The following ARID1B variants were observed in gnomAD, a reference collection of about 807,000 sequenced individuals.
ARID1B encodes the protein AT-rich interactive domain-containing protein 1B.
ARID1B carries 30 observed loss-of-function variants against 212.3 expected under a neutral mutation model. That is an observed-to-expected ratio of 0.14 (90% CI 0.11 to 0.19). The LOEUF is 0.19. ARID1B is among the 10% of genes least tolerant of loss of function. The pLI, the probability that ARID1B is intolerant of heterozygous loss-of-function variation, is 1.00. For synonymous variants in ARID1B, 1,402 were observed against 1,301.7 expected (o/e 1.08, Z -1.66); for missense variants, 2,891 against 3,204.0 (o/e 0.90, Z 2.36).
chr6:156,779,455 C>T lies in ARID1B; in HGVS notation c.1775C>T (p.Thr592Ile). Residue 592 changes from threonine (T) to isoleucine (I), a missense_variant, in exon 1 of 20, where the codon ACC becomes ATC. Physicochemically the swap from Thr to Ile is moderately conservative, Grantham distance 89 (BLOSUM62 -1). Coordinates refer to ENST00000636930, the MANE Select transcript of ARID1B (RefSeq NM_001374828.1). ...ATGAGCCCCGGCACCCCCGGACCGA[C>T]CATGGGCAGATCCCAGGTAACCCTC... ...PAMSPGTPGPTMGRSQGSPMD... is the reference protein window; with the variant it reads ...PAMSPGTPGPIMGRSQGSPMD... The T allele has an allele frequency of 7.0e-7, 1 of 1,430,750 alleles. No homozygotes were observed. The highest frequency in any genetic ancestry group is 1.3e-5 in the South Asian group (1 of 74,260). 88.6% of individuals were successfully genotyped at this position (1,430,750 alleles called of 1,614,324 possible).
chr6:157,051,260 C>T (rs371301459), intron 4 of ARID1B, among the ~76,000 whole-genome samples: 5 of 152,020 alleles, frequency 3.3e-5, no homozygotes, highest in Non-Finnish European at 7.4e-5. Flanking sequence ...GCTGAACGAA[C>T]GGATGAATTA....
chr6:157,025,663 G>A (rs546897935), intron 4 of ARID1B, among the ~76,000 whole-genome samples: 17 of 152,246 alleles, frequency 1.1e-4, no homozygotes, highest in Non-Finnish European at 1.8e-4. Flanking sequence ...TTGGTGAGTC[G>A]TTTTCCATTG....
chr6:156,879,594 C>T (rs1437546274), intron 2 of ARID1B, among the ~76,000 whole-genome samples: 1 of 152,174 alleles, frequency 6.6e-6, no homozygotes, highest in Non-Finnish European at 1.5e-5. Flanking sequence ...GAATGAAGTG[C>T]CTCAAAACAA....
intron 2 of ARID1B, among the ~76,000 whole-genome samples, chr6:156,830,403 G>T (rs959842792): frequency 6.6e-6 from 1 of 152,088 alleles, no homozygotes; most frequent in East Asian, 1.9e-4. Flanking sequence ...GACATCTTTC[G>T]TTGAGGGGCA....
intron 7 of ARID1B, among the ~76,000 whole-genome samples, chr6:157,141,442 T>A (rs1424914923): frequency 1.3e-5 from 2 of 151,860 alleles, no homozygotes; most frequent in Non-Finnish European, 3.0e-5. Context: ...TATGTATAGT[T>A]CAGAAAACAA....
chr6:157,166,853 G>T, intron 8 of ARID1B, 187 bp from the exon 9 acceptor site: 1 of 603,270 alleles, frequency 1.7e-6, no homozygotes, highest in Non-Finnish European at 2.7e-6. Context: ...ATTGTAAAGG[G>T]GTGTATTAAA....
chr6:156,882,234 C>T (rs1036313215), intron 2 of ARID1B, among the ~76,000 whole-genome samples: 2 of 152,078 alleles, frequency 1.3e-5, no homozygotes, highest in African/African-American at 4.8e-5. Context: ...GCAGCAATTC[C>T]CATGTTCTGG....
chr6:156,929,380 A>G (rs779311018), intron 3 of ARID1B, among the ~76,000 whole-genome samples: 1 of 152,200 alleles, frequency 6.6e-6, no homozygotes, highest in Non-Finnish European at 1.5e-5. Flanking sequence ...TCTGAAGCCT[A>G]GGGATGATTT....
chr6:157,040,895 G>C (rs551171859), intron 4 of ARID1B, among the ~76,000 whole-genome samples: 3 of 152,246 alleles, frequency 2.0e-5, no homozygotes, highest in African/African-American at 7.2e-5. Flanking sequence ...CACTTCCGCT[G>C]TTTTCCCGTG....
At chr6:157,034,619 A>C (rs1781210201) in intron 4 of ARID1B, among the ~76,000 whole-genome samples, 1 of 152,234 alleles carries the variant, frequency 6.6e-6, no homozygotes, top group Admixed American at 6.5e-5. Context: ...CCTGGAAATT[A>C]AGTGTGAAAG....
At chr6:156,963,046 T>C (rs139160643) in intron 4 of ARID1B, among the ~76,000 whole-genome samples, 6,627 of 152,188 alleles carry the variant, frequency 0.044, 166 homozygotes, top group Middle Eastern at 0.078. Flanking sequence ...CCTCACAAGG[T>C]GCTGGGATTA....
rs138846090 is a variant in ARID1B at position 156,791,577 on chromosome 6, G to T, written c.1791+12106G>T. On this transcript the variant is annotated intron_variant, in intron 1 of 19. Transcript: ENST00000636930. ...AAACTTGCTGCCTCAGGAAGAAAAG[G>T]GTTTTTCTTTTTATTCCACTGGGAA... Among the ~76,000 whole-genome samples the T allele has an allele frequency of 3.0e-4, 45 of 152,296 alleles. No homozygotes were observed. In the East Asian group the frequency reaches 7.1e-3, roughly 24 times the overall value.
At chr6:156,987,589 C>G (rs952887488) in intron 4 of ARID1B, among the ~76,000 whole-genome samples, 18 of 152,214 alleles carry the variant, frequency 1.2e-4, no homozygotes, top group Non-Finnish European at 1.6e-4. Context: ...CTCGGCCTCC[C>G]AAAGTGCTGG....
At chr6:157,162,151 TAC>T (rs1271826093) in intron 8 of ARID1B, among the ~76,000 whole-genome samples, 1 of 152,192 alleles carries the variant, frequency 6.6e-6, no homozygotes, top group African/African-American at 2.4e-5. Context: ...GTTGAGAAAA[TAC>T]AGTGTTGATT....
chr6:156,870,952 G>A (rs1786080077), intron 2 of ARID1B, among the ~76,000 whole-genome samples: 1 of 152,174 alleles, frequency 6.6e-6, no homozygotes, highest in Non-Finnish European at 1.5e-5. Context: ...CCTAAAGTCT[G>A]TGCATGTTTT....
At chr6:156,892,830 A>T (rs983299305) in intron 2 of ARID1B, among the ~76,000 whole-genome samples, 1 of 152,204 alleles carries the variant, frequency 6.6e-6, no homozygotes, top group African/African-American at 2.4e-5. Context: ...ATAGTTCTTG[A>T]TGGATGTGTA....
chr6:156,785,693 T>C (rs1031629252), intron 1 of ARID1B, among the ~76,000 whole-genome samples: 8 of 152,196 alleles, frequency 5.3e-5, no homozygotes, highest in Non-Finnish European at 1.2e-4. Context: ...AATAAAAATA[T>C]TTTTCTCTTT....
intron 8 of ARID1B, chr6:157,152,065 A>T (rs1051079714): frequency 1.3e-5 from 2 of 152,324 alleles, no homozygotes; most frequent in South Asian, 2.1e-4. Flanking sequence ...CCTCTTTCTT[A>T]CTTTCTTGTG....
At position 156,779,286 on chromosome 6, in the gene ARID1B, C is replaced by T; in HGVS notation, c.1606C>T (p.Pro536Ser). ...PSAPPPPPSQ[P>S]QSQAAAAGAA... ...CGCGCCGCCGCCGCCGCCGTCGCAGCCCCAGTCCCAGGCGGCGGCGGCGGG... is the reference window on the plus strand; with the variant it reads ...CGCGCCGCCGCCGCCGCCGTCGCAGTCCCAGTCCCAGGCGGCGGCGGCGGG... The change falls in exon 1 of 20, where the codon CCC (proline) becomes TCC (serine). Residue 536 changes from proline (P) to serine (S), a missense_variant. By Grantham distance (74) the Pro-to-Ser change is moderately conservative. Coordinates refer to ENST00000636930, the MANE Select transcript of ARID1B (RefSeq NM_001374828.1). The T allele has an allele frequency of 1.7e-6, 2 of 1,151,518 alleles. No homozygotes were observed. The highest frequency in any genetic ancestry group is 3.9e-5 in the South Asian group (1 of 25,478). 71.3% of individuals were successfully genotyped at this position (1,151,518 alleles called of 1,614,324 possible).
Sources: gnomAD v4.1 joint callset for allele counts (sites outside exome capture counted in the v4.1 genomes callset) on GRCh38, gnomAD v4.1.1 for gene constraint, MANE v1.5 for transcripts, NCBI Gene and HGNC (gene_info 2026-07-23, HGNC 2026-07-21) for gene names.